HDAC9: variants seen among roughly 807,000 people sequenced by gnomAD.
The protein encoded by HDAC9 is histone deacetylase 9.
In HDAC9, 41 loss-of-function variants were observed where a neutral mutation model predicts 139.4. That is an observed-to-expected ratio of 0.29 (90% CI 0.23 to 0.38). The LOEUF (loss-of-function observed/expected upper bound fraction) is 0.38, where lower values mean the gene tolerates loss of function less well. Among genes scored for constraint, HDAC9 ranks in the 10% least tolerant of loss-of-function variants. The pLI is 1.00. For missense variants in HDAC9, 1,147 were observed against 1,297.0 expected (o/e 0.88, Z 1.78); for synonymous variants, 517 against 476.2 (o/e 1.09, Z -1.12).
intron 1 of HDAC9, among the ~76,000 whole-genome samples, chr7:18,300,277 C>T (rs1245190417): frequency 6.6e-6 from 1 of 151,848 alleles, no homozygotes; most frequent in East Asian, 1.9e-4. Context: ...AGTCCGTGGC[C>T]CAGAGAAGCC....
intron 22 of HDAC9, among the ~76,000 whole-genome samples, chr7:18,893,033 G>GAAA (rs71960483): frequency 0.015 from 1,036 of 66,840 alleles, 111 homozygotes; most frequent in African/African-American, 0.028. Context: ...GTAATAGGCC[G>GAAA]AAAAAAAAAA....
chr7:18,409,295 G>T (rs1397612075), intron 1 of HDAC9, among the ~76,000 whole-genome samples: 1 of 152,102 alleles, frequency 6.6e-6, no homozygotes, highest in Non-Finnish European at 1.5e-5. Flanking sequence ...AAGTTCCTGT[G>T]CTAGTAATAT....
At chr7:18,881,751 G>A (rs968394458) in intron 22 of HDAC9, among the ~76,000 whole-genome samples, 5 of 152,060 alleles carry the variant, frequency 3.3e-5, no homozygotes, top group African/African-American at 7.2e-5. Context: ...TATTCAGAAC[G>A]TAGTAGCTCT....
intron 22 of HDAC9, among the ~76,000 whole-genome samples, chr7:18,921,522 A>C (rs1803724711): frequency 6.6e-6 from 1 of 152,226 alleles, no homozygotes; most frequent in African/African-American, 2.4e-5. Flanking sequence ...TCAAAACCGC[A>C]ATGAGATACC....
intron 12 of HDAC9, chr7:18,668,590 C>T (rs760688090): frequency 5.1e-6 from 5 of 980,194 alleles, no homozygotes; most frequent in Non-Finnish European, 6.1e-6. Context: ...AGTTGGTGGA[C>T]GTTAATTGTT....
chr7:18,610,530 C>T (rs940775766), intron 6 of HDAC9, among the ~76,000 whole-genome samples: 1 of 152,182 alleles, frequency 6.6e-6, no homozygotes, highest in East Asian at 1.9e-4. Context: ...ATCTCACTTG[C>T]GCCCTCTAGA....
chr7:18,778,381 G>A (rs1230543238), intron 16 of HDAC9, among the ~76,000 whole-genome samples: 2 of 151,874 alleles, frequency 1.3e-5, no homozygotes, highest in Non-Finnish European at 2.9e-5. Flanking sequence ...ACCACTGTGG[G>A]ATGAGATAGA....
chr7:18,716,483 G>C (rs962391915), intron 12 of HDAC9, among the ~76,000 whole-genome samples: 2 of 151,826 alleles, frequency 1.3e-5, no homozygotes, highest in South Asian at 2.1e-4. Flanking sequence ...ATTTAAAGTG[G>C]TCATTTTCCA....
At chr7:18,358,232 G>C (rs558639112) in intron 1 of HDAC9, among the ~76,000 whole-genome samples, 127 of 152,130 alleles carry the variant, frequency 8.3e-4, no homozygotes, top group Non-Finnish European at 1.6e-3. Flanking sequence ...TTTAGAAGGT[G>C]GTTGTGATCT....
At chr7:18,681,964 C>G (rs908066642) in intron 12 of HDAC9, among the ~76,000 whole-genome samples, 6 of 151,958 alleles carry the variant, frequency 3.9e-5, no homozygotes, top group African/African-American at 1.4e-4. Context: ...AAATTATTAT[C>G]TATTTCATTT....
chr7:18,592,359 C>G (rs765160341), intron 5 of HDAC9, among the ~76,000 whole-genome samples: 1 of 151,904 alleles, frequency 6.6e-6, no homozygotes, highest in East Asian at 1.9e-4. Flanking sequence ...TCTGTAAGTC[C>G]AATACACAAA....
At chr7:18,727,811 T>A in intron 13 of HDAC9, 54 bp downstream of exon 13, 2 of 1,320,056 alleles carry the variant, frequency 1.5e-6, no homozygotes, top group Non-Finnish European at 2.0e-6. Context: ...CCCGTTCTTG[T>A]AGGATTAACC....
chr7:18,501,953 G>T (rs112529033), intron 2 of HDAC9, among the ~76,000 whole-genome samples: 25 of 152,144 alleles, frequency 1.6e-4, no homozygotes, highest in African/African-American at 6.0e-4. Flanking sequence ...TAAAGTAGTT[G>T]GGTGGTTAGG....
chr7:18,438,781 A>G (rs963245924), intron 1 of HDAC9, among the ~76,000 whole-genome samples: 10 of 152,124 alleles, frequency 6.6e-5, no homozygotes, highest in Non-Finnish European at 1.3e-4. Flanking sequence ...TGTTAATTCT[A>G]TAATCCTGTG....
intron 12 of HDAC9, among the ~76,000 whole-genome samples, chr7:18,700,434 G>A (rs1340865473): frequency 6.6e-6 from 1 of 152,180 alleles, no homozygotes; most frequent in African/African-American, 2.4e-5. Flanking sequence ...AACTGAGGTA[G>A]TTGGTCTGTT....
chr7:18,498,289 A>C (rs926246067), intron 2 of HDAC9, among the ~76,000 whole-genome samples: 11 of 152,088 alleles, frequency 7.2e-5, no homozygotes, highest in African/African-American at 2.7e-4. Flanking sequence ...ACTGGCTCTC[A>C]AAGTTGGACT....
At chr7:18,879,781 C>T (rs796970427) in intron 22 of HDAC9, among the ~76,000 whole-genome samples, 6 of 152,236 alleles carry the variant, frequency 3.9e-5, no homozygotes, top group African/African-American at 9.6e-5. Flanking sequence ...GACACAAAAG[C>T]AATCCCAACA....
At chr7:18,518,976 T>C (rs1050076277) in intron 2 of HDAC9, among the ~76,000 whole-genome samples, 2 of 152,190 alleles carry the variant, frequency 1.3e-5, no homozygotes, top group African/African-American at 4.8e-5. Context: ...GTGGTAGAAA[T>C]TGAATCTTTA....
At chr7:18,317,611 T>C (rs1799744465) in intron 1 of HDAC9, among the ~76,000 whole-genome samples, 2 of 152,190 alleles carry the variant, frequency 1.3e-5, no homozygotes, top group Non-Finnish European at 2.9e-5. Flanking sequence ...CTCCAGTTGT[T>C]ACTGATGGCA....
Sources: allele counts gnomAD v4.1 joint callset (sites outside exome capture counted in the v4.1 genomes callset), GRCh38; gene constraint gnomAD v4.1.1; transcripts MANE v1.5; gene names NCBI Gene and HGNC (gene_info 2026-07-23, HGNC 2026-07-21).